Variants in LRPPRC observed in about 807,000 individuals in gnomAD.
The protein encoded by LRPPRC is leucine rich pentatricopeptide repeat containing.
Under a neutral mutation model 180.3 loss-of-function variants are expected in LRPPRC, and 120 were observed. That is an observed-to-expected ratio of 0.67 (90% CI 0.57 to 0.77). The LOEUF (loss-of-function observed/expected upper bound fraction) is 0.77. Among genes scored for constraint, LRPPRC ranks in the 30% least tolerant of loss-of-function variants. The pLI is 0.00. For synonymous variants in LRPPRC, 723 were observed against 600.0 expected, an observed-to-expected ratio of 1.21 and a Z score of -3.00; for missense variants, 2,012 against 1,657.2, an observed-to-expected ratio of 1.21 and a Z score of -3.72.
chr2:43,901,684 T>G (rs1235558679), intron 31 of LRPPRC, 160 bp from the exon 32 acceptor site: 1 of 625,528 alleles, frequency 1.6e-6, no homozygotes, highest in Non-Finnish European at 2.8e-6. Context: ...CTTCATGAGA[T>G]ACCCCCAAAA....
intron 1 of LRPPRC, among the ~76,000 whole-genome samples, chr2:43,994,445 A>C (rs1674928840): frequency 6.6e-6 from 1 of 152,226 alleles, no homozygotes; most frequent in Non-Finnish European, 1.5e-5. Flanking sequence ...CCCTATACTA[A>C]GTGCTTAATA....
chr2:43,950,478 A>AAT, intron 15 of LRPPRC, 95 bp downstream of exon 15: 1 of 1,145,324 alleles, frequency 8.7e-7, no homozygotes, highest in Non-Finnish European at 1.3e-6. Flanking sequence ...TAGAAAACCA[A>AAT]ATATAGGTTT....
chr2:43,993,534 G>C (rs1674879762), intron 1 of LRPPRC, among the ~76,000 whole-genome samples: 1 of 152,172 alleles, frequency 6.6e-6, no homozygotes, highest in African/African-American at 2.4e-5. Flanking sequence ...AACTTCTAGA[G>C]TAAACAGAGT....
rs764647530 is a variant in LRPPRC at position 43,948,208 on chromosome 2, A to T, written c.1843-9T>A. ...TCAGGAATTTTTACATTCTGTGAGA[A>T]GGGAAGGGAGGGGGGAAAAAACCTG... On this transcript the variant is annotated splice_polypyrimidine_tract_variant and intron_variant, in intron 17 of 37. Coordinates refer to ENST00000260665, the MANE Select transcript of LRPPRC (RefSeq NM_133259.4). 1 of 1,484,554 alleles carries T rather than the reference A, an allele frequency of 6.7e-7. No homozygotes were observed. The highest frequency in any genetic ancestry group is 9.4e-7 in the Non-Finnish European group (1 of 1,062,174). The allele number at this position is 1,484,554 out of a possible 1,614,324, so 92.0% of individuals were successfully genotyped here.
chr2:43,915,780 ATTTC>A (rs560192656), intron 29 of LRPPRC, among the ~76,000 whole-genome samples: 34 of 152,104 alleles, frequency 2.2e-4, no homozygotes, highest in Non-Finnish European at 4.3e-4. Flanking sequence ...ATGCCACAAA[ATTTC>A]TTTCTTTCTT....
chr2:43,976,383 G>A (rs1239657581), intron 5 of LRPPRC, among the ~76,000 whole-genome samples, 154 bp from the exon 6 acceptor site: 1 of 151,982 alleles, frequency 6.6e-6, no homozygotes, highest in East Asian at 1.9e-4. Context: ...TAATCCCTTT[G>A]ATCCCCTTCC....
At chr2:43,942,040 G>A (rs1481887427) in intron 23 of LRPPRC, among the ~76,000 whole-genome samples, 1 of 151,986 alleles carries the variant, frequency 6.6e-6, no homozygotes, top group East Asian at 1.9e-4. Flanking sequence ...GAAGCACAGA[G>A]GATGCTCTAG....
chr2:43,937,307 GA>G (rs1162504226), intron 23 of LRPPRC, among the ~76,000 whole-genome samples: 1 of 152,092 alleles, frequency 6.6e-6, no homozygotes, highest in East Asian at 1.9e-4. Flanking sequence ...AAATGAATTA[GA>G]AATTTATAAT....
chr2:43,915,220 TCTCTCTCTCTCTCACACACA>T (rs1427997204), intron 29 of LRPPRC, among the ~76,000 whole-genome samples: 2 of 104,960 alleles, frequency 1.9e-5, no homozygotes, highest in Admixed American at 1.1e-4. Flanking sequence ...TCTCTCTCTC[TCTCTCTCTCTCTCACACACA>T]CACACACACA....
At position 43,887,819 on chromosome 2, in the gene LRPPRC, T is replaced by C. The variant is rs138139019; in HGVS notation, c.*781A>G. The C allele has an allele frequency of 6.6e-6, 1 of 152,314 alleles. No individual in the cohort carries two copies. The highest frequency in any genetic ancestry group is 2.4e-5 in the African/African-American group (1 of 41,572). 9.4% of individuals were successfully genotyped at this position (152,314 alleles called of 1,614,324 possible). ...TTACCCCTTCATAGATGAAATCACA[T>C]CTTTTCAGGATATGAGTATAAAGTA... On this transcript the variant is annotated 3_prime_UTR_variant, in exon 38 of 38. Coordinates refer to ENST00000260665, the MANE Select transcript of LRPPRC (RefSeq NM_133259.4).
chr2:43,943,593 C>T (rs1672567954), intron 23 of LRPPRC, 94 bp downstream of exon 23: 1 of 1,034,298 alleles, frequency 9.7e-7, no homozygotes, highest in Non-Finnish European at 1.5e-6. Flanking sequence ...CCAAGGCTTC[C>T]CCATCATGAG....
At position 43,935,221 on chromosome 2, in the gene LRPPRC, T is replaced by C. The variant is rs116797148; in HGVS notation, c.2505-343A>G. On this transcript the variant is annotated intron_variant, in intron 23 of 37. Coordinates refer to ENST00000260665, the MANE Select transcript of LRPPRC (RefSeq NM_133259.4). ...TATGTAGAAAGTTGCTGTAAGAATG[T>C]ATTACTTCTGAAAGCAAGGACTACC... 5.3e-3 allele frequency among the ~76,000 whole-genome samples: 805 copies of C among 152,350 alleles called. 14 individuals carry two copies. Among genetic ancestry groups the C allele is most frequent in the African/African-American group, 0.018 (765 of 41,592 alleles).
rs368197806 is a variant in LRPPRC at position 43,947,306 on chromosome 2, G to T, written c.2030C>A (p.Pro677His). ...TLETLKAENQPIRDVLKQLIL... is the reference protein window; with the variant it reads ...TLETLKAENQHIRDVLKQLIL... ...GAGTTGCTTTAGGACATCTCTTATAGGTTGATTTTCAGCTTTTAGTGTTTC... is the reference window on the plus strand; with the variant it reads ...GAGTTGCTTTAGGACATCTCTTATATGTTGATTTTCAGCTTTTAGTGTTTC... The change falls in exon 20 of 38, where the codon CCT becomes CAT. Residue 677 changes from proline (P) to histidine (H), a missense_variant. Physicochemically the swap from Pro to His is moderately conservative, Grantham distance 77. Coordinates refer to ENST00000260665, the MANE Select transcript of LRPPRC (RefSeq NM_133259.4). 1.2e-6 allele frequency: 2 copies of T among 1,606,178 alleles called. No homozygotes were observed. Among genetic ancestry groups the T allele is most frequent in the African/African-American group, 2.7e-5 (2 of 74,720 alleles).
rs1471694089 is a variant in LRPPRC at position 43,887,176 on chromosome 2, C to CAAACCTGT, written c.*1416_*1423dup. Reference sequence around the variant, plus strand: ...AAAAAAAAAAAAAAGATGCTTTTGGCAAACCTGTAACATGTGCAGGTCCTG... The same window carrying CAAACCTGT: ...AAAAAAAAAAAAAAGATGCTTTTGGCAAACCTGTAAACCTGTAACATGTGCAGGTCCTG... On this transcript the variant is annotated 3_prime_UTR_variant, in exon 38 of 38. Transcript: ENST00000260665. 5.6e-5 allele frequency: 6 copies of CAAACCTGT among 107,968 alleles called. No homozygotes were observed. The highest frequency in any genetic ancestry group is 1.3e-4 in the Non-Finnish European group (6 of 47,646). The allele number at this position is 107,968 out of a possible 1,614,324, so 6.7% of individuals were successfully genotyped here.
chr2:43,930,023 C>T (rs560320515), intron 25 of LRPPRC, among the ~76,000 whole-genome samples: 5 of 152,094 alleles, frequency 3.3e-5, no homozygotes, highest in Non-Finnish European at 5.9e-5. Context: ...ATACGATCCA[C>T]GCTGGCTTAT....
At chr2:43,988,492 C>T (rs1475785206) in intron 1 of LRPPRC, among the ~76,000 whole-genome samples, 2 of 152,126 alleles carry the variant, frequency 1.3e-5, no homozygotes, top group Non-Finnish European at 2.9e-5. Context: ...GCCGAGATCA[C>T]GCCACTGCAC....
At chr2:43,894,721 CAAT>C (rs1558893591) in intron 35 of LRPPRC, 92 bp from the exon 36 acceptor site, 2 of 741,226 alleles carry the variant, frequency 2.7e-6, no homozygotes, top group Admixed American at 1.9e-5. Context: ...AAAATTTTCA[CAAT>C]AATTATAACA....
chr2:43,931,335 G>C (rs540273375), intron 25 of LRPPRC, among the ~76,000 whole-genome samples: 40 of 152,230 alleles, frequency 2.6e-4, no homozygotes, highest in African/African-American at 9.4e-4. Flanking sequence ...GAGACAGAAG[G>C]GTTGACCTCT....
At chr2:43,969,770 A>G (rs961951535) in intron 11 of LRPPRC, among the ~76,000 whole-genome samples, 2 of 152,070 alleles carry the variant, frequency 1.3e-5, no homozygotes, top group Non-Finnish European at 2.9e-5. Flanking sequence ...TCAAGGCTCA[A>G]TTGCTAAGCT....
Sources: gnomAD v4.1 joint callset for allele counts (sites outside exome capture counted in the v4.1 genomes callset) on GRCh38, gnomAD v4.1.1 for gene constraint, MANE v1.5 for transcripts, NCBI Gene and HGNC (gene_info 2026-07-23, HGNC 2026-07-21) for gene names.